SGCG: variants seen among roughly 807,000 people sequenced by gnomAD.
SGCG encodes sarcoglycan gamma, also known as gamma-sarcoglycan.
Under a neutral mutation model 29.3 loss-of-function variants are expected in SGCG, and 26 were observed. The observed-to-expected ratio is 0.89, with a 90% CI of 0.65 to 1.23. SGCG has a LOEUF of 1.23. Among genes scored for constraint, SGCG ranks in the 50% most tolerant of loss-of-function variants. SGCG has a pLI of 0.00. For missense variants in SGCG, 353 were observed against 356.0 expected (o/e 0.99, Z 0.07); for synonymous variants, 145 against 129.7 (o/e 1.12, Z -0.80).
intron 6 of SGCG, among the ~76,000 whole-genome samples, chr13:23,296,445 A>G (rs1881912211): frequency 6.6e-6 from 1 of 152,202 alleles, no homozygotes. Context: ...CATAAAATTC[A>G]CCATCTTAAC....
At chr13:23,318,806 G>C (rs1367281233) in intron 6 of SGCG, among the ~76,000 whole-genome samples, 1 of 152,130 alleles carries the variant, frequency 6.6e-6, no homozygotes, top group East Asian at 1.9e-4. Context: ...TTATAACATG[G>C]TTAAAAACTA....
In SGCG at chr13:23,183,238, T is replaced by TAGTAAATAGTAGCTTCCATCG. The variant is rs1338205497; in HGVS notation, c.-1+2164_-1+2184dup. Among the ~76,000 whole-genome samples, 48 of 152,310 alleles carry TAGTAAATAGTAGCTTCCATCG rather than the reference T, an allele frequency of 3.2e-4. 1 individual carries two copies. Among genetic ancestry groups the TAGTAAATAGTAGCTTCCATCG allele is most frequent in the African/African-American group, 1.1e-3 (46 of 41,566 alleles). ...GGCAATTAGAAAGTTTCTGACTTCT[T>TAGTAAATAGTAGCTTCCATCG]AGTAAATAGTAGCTTCCATCGGCAT... On this transcript the variant is annotated intron_variant, in intron 1 of 7. Coordinates refer to ENST00000218867, the MANE Select transcript of SGCG (RefSeq NM_000231.3).
At chr13:23,172,230 T>C in the SGCG span, among the ~76,000 whole-genome samples, 1 of 152,216 alleles carries the variant, frequency 6.6e-6, no homozygotes, top group Non-Finnish European at 1.5e-5. Flanking sequence ...TTTTCTCTTT[T>C]CTCTTTTTCT....
chr13:23,299,148 G>A (rs1288982006), intron 6 of SGCG, among the ~76,000 whole-genome samples: 2 of 151,774 alleles, frequency 1.3e-5, no homozygotes, highest in Non-Finnish European at 2.9e-5. Context: ...AACTAAAAAG[G>A]TAGCCACTCA....
At chr13:23,225,949 C>T (rs1373831184) in intron 2 of SGCG, among the ~76,000 whole-genome samples, 1 of 152,196 alleles carries the variant, frequency 6.6e-6, no homozygotes, top group Non-Finnish European at 1.5e-5. Flanking sequence ...CTTCCTTCCC[C>T]TACAATGAGG....
At chr13:23,238,669 G>C (rs888429308) in intron 3 of SGCG, among the ~76,000 whole-genome samples, 1 of 152,186 alleles carries the variant, frequency 6.6e-6, no homozygotes. Context: ...TCCCAGAACA[G>C]AGTTCTAAAA....
chr13:23,214,469 C>T (rs1015043711), intron 2 of SGCG, among the ~76,000 whole-genome samples: 2 of 152,148 alleles, frequency 1.3e-5, no homozygotes, highest in Admixed American at 6.6e-5. Flanking sequence ...TTATCTGGCA[C>T]ATAAACAAAG....
chr13:23,195,909 G>T (rs1481198778), intron 1 of SGCG, among the ~76,000 whole-genome samples: 2 of 151,832 alleles, frequency 1.3e-5, no homozygotes, highest in Non-Finnish European at 2.9e-5. Context: ...TGTTACAAAA[G>T]AAATATATAT....
chr13:23,218,680 G>T (rs1878526148), intron 2 of SGCG, among the ~76,000 whole-genome samples: 1 of 151,932 alleles, frequency 6.6e-6, no homozygotes, highest in South Asian at 2.1e-4. Context: ...ATTGAACAGA[G>T]ATTGGACATG....
In SGCG at chr13:23,241,246, A is replaced by G. The variant is rs145955602; in HGVS notation, c.297+6534A>G. On this transcript the variant is annotated intron_variant, in intron 3 of 7. Transcript: ENST00000218867. Reference sequence around the variant, plus strand: ...TGTTAGACCAAAAATCAAAGACAGAAGATCCAAACAAATAAAATCATAAAT... The same window carrying G: ...TGTTAGACCAAAAATCAAAGACAGAGGATCCAAACAAATAAAATCATAAAT... 4.6e-5 allele frequency among the ~76,000 whole-genome samples: 7 copies of G among 152,214 alleles called. No individual in the cohort carries two copies. The East Asian group carries it at 1.3e-3, about 29-fold the overall frequency.
intron 7 of SGCG, 121 bp from the exon 8 acceptor site, chr13:23,324,247 G>A: frequency 1.2e-6 from 1 of 835,976 alleles, no homozygotes; most frequent in Admixed American, 1.9e-5. Flanking sequence ...CATAAAGTCA[G>A]GTGCCTATTT....
At chr13:23,313,946 C>G (rs891411368) in intron 6 of SGCG, among the ~76,000 whole-genome samples, 1 of 152,094 alleles carries the variant, frequency 6.6e-6, no homozygotes, top group Non-Finnish European at 1.5e-5. Context: ...GCCTAGCCTC[C>G]CAGCCTACAT....
intron 1 of SGCG, among the ~76,000 whole-genome samples, chr13:23,201,534 A>G (rs926199173): frequency 3.9e-5 from 6 of 152,120 alleles, no homozygotes; most frequent in African/African-American, 1.2e-4. Context: ...AGGCTCGAGC[A>G]AGGAACGTGG....
Position 23,196,314 on chromosome 13 carries a change from C to G in SGCG, c.1-7381C>G, listed in dbSNP as rs188217130. ...CTAGTTGTTTCCTTTGGGTAAGTTA[C>G]TAGAATTGGAATTACTATTGTTTGT... On this transcript the variant is annotated intron_variant, in intron 1 of 7. Coordinates refer to ENST00000218867, the MANE Select transcript of SGCG (RefSeq NM_000231.3). 6.2e-3 allele frequency among the ~76,000 whole-genome samples: 945 copies of G among 152,218 alleles called. 9 individuals carry two copies. The highest frequency in any genetic ancestry group is 0.022 in the African/African-American group (902 of 41,534).
intron 6 of SGCG, among the ~76,000 whole-genome samples, chr13:23,314,768 G>A (rs1882745119): frequency 6.6e-6 from 1 of 152,056 alleles, no homozygotes; most frequent in Admixed American, 6.5e-5. Flanking sequence ...GGGTCCTGTG[G>A]TGTGGGGCCT....
chr13:23,226,839 CA>C (rs1878917860), intron 2 of SGCG, among the ~76,000 whole-genome samples: 1 of 150,782 alleles, frequency 6.6e-6, no homozygotes, highest in African/African-American at 2.5e-5. Flanking sequence ...GGTTGTACAA[CA>C]AAAAAGAAAA....
At chr13:23,249,408 A>C (rs1879871341) in intron 3 of SGCG, among the ~76,000 whole-genome samples, 1 of 152,196 alleles carries the variant, frequency 6.6e-6, no homozygotes, top group Non-Finnish European at 1.5e-5. Flanking sequence ...AAAGGCAGCT[A>C]TTTCTACCTT....
chr13:23,310,456 T>C (rs1593105263), intron 6 of SGCG, among the ~76,000 whole-genome samples: 1 of 152,234 alleles, frequency 6.6e-6, no homozygotes, highest in South Asian at 2.1e-4. Flanking sequence ...ACAATTGCTA[T>C]ACCTGGTCCT....
At chr13:23,294,822 A>G (rs1881842075) in intron 5 of SGCG, among the ~76,000 whole-genome samples, 1 of 152,166 alleles carries the variant, frequency 6.6e-6, no homozygotes, top group African/African-American at 2.4e-5. Context: ...TGAGTATTAA[A>G]CAAGTTAGGA....
Sources: allele counts gnomAD v4.1 joint callset (sites outside exome capture counted in the v4.1 genomes callset), GRCh38; gene constraint gnomAD v4.1.1; transcripts MANE v1.5; gene names NCBI Gene and HGNC (gene_info 2026-07-23, HGNC 2026-07-21).